CA10: variants seen among roughly 807,000 people sequenced by gnomAD.
CA10 encodes carbonic anhydrase 10 (inactive), also known as carbonic anhydrase-related protein 10.
A neutral mutation model predicts 44.2 loss-of-function variants in CA10; 14 were observed. That is an observed-to-expected ratio of 0.32 (90% CI 0.21 to 0.50). CA10 has a LOEUF of 0.50. Among genes scored for constraint, CA10 ranks in the 20% least tolerant of loss-of-function variants. CA10 has a pLI of 0.99. For synonymous variants in CA10, 159 were observed against 141.6 expected, an observed-to-expected ratio of 1.12 and a Z score of -0.87; for missense variants, 350 against 409.7, an observed-to-expected ratio of 0.85 and a Z score of 1.26.
At chr17:52,142,758 C>T (rs146556225) in intron 1 of CA10, among the ~76,000 whole-genome samples, 16 of 152,134 alleles carry the variant, frequency 1.1e-4, no homozygotes, top group African/African-American at 3.1e-4. Flanking sequence ...TCATATTCCT[C>T]ACAACCTCCT....
chr17:52,019,807 T>C (rs1986078920), intron 2 of CA10, among the ~76,000 whole-genome samples: 1 of 152,012 alleles, frequency 6.6e-6, no homozygotes. Flanking sequence ...TATTTAGAAA[T>C]ACGTTGCCTA....
At chr17:51,757,256 G>T (rs73354931) in intron 3 of CA10, among the ~76,000 whole-genome samples, 8,006 of 152,140 alleles carry the variant, frequency 0.053, 278 homozygotes, top group East Asian at 0.12. Flanking sequence ...GCTCACATGG[G>T]CACTCTGGAA....
At chr17:52,050,293 T>C (rs1178974733) in intron 2 of CA10, among the ~76,000 whole-genome samples, 4 of 152,106 alleles carry the variant, frequency 2.6e-5, no homozygotes, top group African/African-American at 7.2e-5. Flanking sequence ...CTGTAGACAT[T>C]GTCTCCAAAA....
intron 2 of CA10, among the ~76,000 whole-genome samples, chr17:51,986,848 G>GA (rs1984855882): frequency 6.6e-6 from 1 of 151,248 alleles, no homozygotes; most frequent in African/African-American, 2.4e-5. Flanking sequence ...ATCAAAAAAT[G>GA]AAAAAAAAGT....
At chr17:51,816,942 C>T (rs1834108237) in intron 3 of CA10, among the ~76,000 whole-genome samples, 1 of 152,144 alleles carries the variant, frequency 6.6e-6, no homozygotes, top group Non-Finnish European at 1.5e-5. Context: ...CCTGTCATCC[C>T]ACATTGGGCT....
At chr17:52,063,422 T>A (rs1412323614) in intron 2 of CA10, among the ~76,000 whole-genome samples, 2 of 152,052 alleles carry the variant, frequency 1.3e-5, no homozygotes, top group African/African-American at 4.8e-5. Context: ...AATGCTACAG[T>A]TTGAATATCT....
chr17:51,703,210 G>A (rs893776806), intron 4 of CA10, among the ~76,000 whole-genome samples: 10 of 152,150 alleles, frequency 6.6e-5, no homozygotes, highest in African/African-American at 2.4e-4. Flanking sequence ...CTGGTAAAAT[G>A]TACTGTACAT....
At chr17:51,935,850 C>T (rs1371676456) in intron 2 of CA10, among the ~76,000 whole-genome samples, 2 of 152,084 alleles carry the variant, frequency 1.3e-5, no homozygotes, top group East Asian at 3.9e-4. Context: ...AAAGTTTTCA[C>T]CAAAAACAAA....
chr17:52,082,026 T>C (rs1023397405), intron 1 of CA10, among the ~76,000 whole-genome samples: 53 of 106,756 alleles, frequency 5.0e-4, no homozygotes, highest in African/African-American at 2.2e-3. Context: ...TTTTAACATA[T>C]ATTTTGCTAT....
intron 1 of CA10, among the ~76,000 whole-genome samples, chr17:52,112,621 G>A (rs570430801): frequency 3.9e-5 from 6 of 152,256 alleles, no homozygotes; most frequent in South Asian, 2.1e-4. Context: ...TGTAATCATC[G>A]TGAAGAAATG....
chr17:51,746,652 C>T (rs1445498332), intron 4 of CA10, among the ~76,000 whole-genome samples: 5 of 152,132 alleles, frequency 3.3e-5, no homozygotes, highest in African/African-American at 1.2e-4. Flanking sequence ...GGTAGGAGCC[C>T]TTTTTTTAAA....
At chr17:51,827,223 A>G (rs1908043777) in intron 3 of CA10, among the ~76,000 whole-genome samples, 1 of 152,162 alleles carries the variant, frequency 6.6e-6, no homozygotes, top group Non-Finnish European at 1.5e-5. Flanking sequence ...GGAGACACAA[A>G]GTTAAACAGA....
intron 3 of CA10, among the ~76,000 whole-genome samples, chr17:51,754,402 T>G (rs1490420698): frequency 4.5e-3 from 13 of 2,880 alleles, no homozygotes; most frequent in African/African-American, 0.017. Flanking sequence ...GTGTGTGTGA[T>G]ATATATATAT....
intron 4 of CA10, among the ~76,000 whole-genome samples, chr17:51,660,319 AGTTTCTCCTATG>A (rs1414010010): frequency 6.6e-6 from 1 of 152,200 alleles, no homozygotes; most frequent in Non-Finnish European, 1.5e-5. Context: ...CCAGAGGCAA[AGTTTCTCCTATG>A]CACTTAATTG....
chr17:51,952,262 C>A (rs1179322364), intron 2 of CA10, among the ~76,000 whole-genome samples: 1 of 152,170 alleles, frequency 6.6e-6, no homozygotes, highest in Non-Finnish European at 1.5e-5. Flanking sequence ...GGTGGTGAAA[C>A]AACAGAACTT....
chr17:52,158,262 G>A lies in CA10; in HGVS notation c.-476C>T, dbSNP rs1005308337. The A allele has an allele frequency of 4.4e-6, 1 of 225,408 alleles. No individual in the cohort carries two copies. Among genetic ancestry groups the A allele is most frequent in the African/African-American group, 2.3e-5 (1 of 43,036 alleles). 14.0% of individuals were successfully genotyped at this position (225,408 alleles called of 1,614,324 possible). ...AATTCCGGGCTCCCGGGAGCGCGTA[G>A]CTCGCTGGCTAAGCCCAGGCAGTCC... On this transcript the variant is annotated 5_prime_UTR_variant, in exon 1 of 9. Coordinates refer to ENST00000451037, the MANE Select transcript of CA10 (RefSeq NM_020178.5).
intron 4 of CA10, among the ~76,000 whole-genome samples, chr17:51,713,400 C>T (rs1916003913): frequency 6.6e-6 from 1 of 152,152 alleles, no homozygotes; most frequent in Non-Finnish European, 1.5e-5. Context: ...CTGAACCCAT[C>T]AATGATATCT....
At chr17:51,811,878 C>T (rs1396733997) in intron 3 of CA10, among the ~76,000 whole-genome samples, 1 of 152,208 alleles carries the variant, frequency 6.6e-6, no homozygotes, top group African/African-American at 2.4e-5. Context: ...AATCTTAGAA[C>T]TAGCCCCATT....
chr17:52,010,893 T>C (rs1197051900), intron 2 of CA10, among the ~76,000 whole-genome samples: 5 of 151,604 alleles, frequency 3.3e-5, no homozygotes, highest in African/African-American at 1.2e-4. Context: ...AAGGTTTAAA[T>C]TCAATGAGCA....
Sources: allele counts gnomAD v4.1 joint callset (sites outside exome capture counted in the v4.1 genomes callset), GRCh38; gene constraint gnomAD v4.1.1; transcripts MANE v1.5; gene names NCBI Gene and HGNC (gene_info 2026-07-23, HGNC 2026-07-21).